Variants in THADA observed in about 807,000 individuals in gnomAD.
THADA encodes THADA armadillo repeat containing, also known as tRNA (32-2'-O)-methyltransferase regulator THADA.
A neutral mutation model predicts 219.8 loss-of-function variants in THADA; 213 were observed. The observed-to-expected ratio is 0.97, with a 90% CI of 0.87 to 1.09. THADA has a LOEUF of 1.09. Ranked by LOEUF, THADA falls within the 50% of genes least tolerant of loss-of-function variation. The pLI is 0.00. For synonymous variants in THADA, 1,018 were observed against 828.9 expected (o/e 1.23, Z -3.92); for missense variants, 2,956 against 2,311.3 (o/e 1.28, Z -5.72).
chr2:43,518,283 A>G (rs1691983147), intron 22 of THADA, among the ~76,000 whole-genome samples: 1 of 152,210 alleles, frequency 6.6e-6, no homozygotes, highest in African/African-American at 2.4e-5. Context: ...AAGAGGGTAT[A>G]ATAACTAGAA....
intron 26 of THADA, among the ~76,000 whole-genome samples, chr2:43,482,687 T>C (rs1188204648): frequency 2.0e-5 from 3 of 152,202 alleles, no homozygotes; most frequent in East Asian, 1.9e-4. Flanking sequence ...CCAGATACTA[T>C]GCTAGACTCT....
rs546601509 is a variant in THADA, at chr2:43,336,503, C to T, written c.4343+7619G>A. Among the ~76,000 whole-genome samples the T allele has an allele frequency of 2.2e-4, 34 of 152,020 alleles. 1 individual carries two copies. Among genetic ancestry groups the T allele is most frequent in the South Asian group, 4.2e-4 (2 of 4,808 alleles). ...GCCAGGCTGGTCTTGAACTCCTGACCTCCGGTGACCCACCTGCCTCAGCCT... is the reference window on the plus strand; with the variant it reads ...GCCAGGCTGGTCTTGAACTCCTGACTTCCGGTGACCCACCTGCCTCAGCCT... On this transcript the variant is annotated intron_variant, in intron 30 of 37. Coordinates refer to ENST00000405975, the MANE Select transcript of THADA (RefSeq NM_022065.5).
intron 26 of THADA, among the ~76,000 whole-genome samples, chr2:43,467,716 T>C (rs1401905140): frequency 6.6e-6 from 1 of 152,180 alleles, no homozygotes; most frequent in African/African-American, 2.4e-5. Flanking sequence ...AGAAAAATAA[T>C]TGACTATTAA....
At chr2:43,359,903 C>T (rs1462986868) in intron 29 of THADA, among the ~76,000 whole-genome samples, 1 of 151,670 alleles carries the variant, frequency 6.6e-6, no homozygotes, top group Non-Finnish European at 1.5e-5. Context: ...GGACTACAGG[C>T]ATGTGCTACT....
chr2:43,580,486 ACTTTC>A (rs1271532653), intron 8 of THADA, among the ~76,000 whole-genome samples: 1 of 150,196 alleles, frequency 6.7e-6, no homozygotes, highest in South Asian at 2.1e-4. Context: ...AACTTTAACT[ACTTTC>A]CTTTCCTTTT....
chr2:43,279,634 T>G, intron 36 of THADA, 131 bp downstream of exon 36: 1 of 1,214,312 alleles, frequency 8.2e-7, no homozygotes, highest in Non-Finnish European at 1.1e-6. Flanking sequence ...GCTTTCCCAC[T>G]AAGATGGCAG....
chr2:43,450,114 T>A (rs6746610), intron 26 of THADA, among the ~76,000 whole-genome samples: 16,805 of 152,128 alleles, frequency 0.11, 1,054 homozygotes, highest in African/African-American at 0.16. Context: ...GGGAAATACA[T>A]GGGGAGTTAC....
chr2:43,436,635 C>A (rs1680154705), intron 26 of THADA, among the ~76,000 whole-genome samples: 1 of 152,130 alleles, frequency 6.6e-6, no homozygotes, highest in African/African-American at 2.4e-5. Flanking sequence ...TTGGTGTGGG[C>A]AGAACTGGAT....
chr2:43,327,906 G>A (rs1679521895), intron 30 of THADA, among the ~76,000 whole-genome samples: 1 of 152,106 alleles, frequency 6.6e-6, no homozygotes, highest in Non-Finnish European at 1.5e-5. Context: ...TTCTCCCAGA[G>A]ATCCCACTGG....
chr2:43,515,085 AAT>A (rs1457432552), intron 22 of THADA, among the ~76,000 whole-genome samples: 13 of 9,344 alleles, frequency 1.4e-3, no homozygotes, highest in South Asian at 5.1e-3. Flanking sequence ...AATATATATA[AAT>A]ATATATATTA....
At position 43,289,901 on chromosome 2, in the gene THADA, G is replaced by A. The variant is rs562321605; in HGVS notation, c.5010+1795C>T. Among the ~76,000 whole-genome samples, 33 of 151,420 alleles carry A rather than the reference G, an allele frequency of 2.2e-4. No homozygotes were observed. In the East Asian group the frequency reaches 2.7e-3, roughly 12 times the overall value. On this transcript the variant is annotated intron_variant, in intron 34 of 37. Coordinates refer to ENST00000405975, the MANE Select transcript of THADA (RefSeq NM_022065.5). Reference sequence around the variant, plus strand: ...CTCCTGACCTCAAGGTGATCCGCCCGCCTCAGCCTCCCAAAGTGCTAGGAT... The same window carrying A: ...CTCCTGACCTCAAGGTGATCCGCCCACCTCAGCCTCCCAAAGTGCTAGGAT...
In THADA at chr2:43,570,547, C is replaced by T. The variant is rs576553467; in HGVS notation, c.2065-37G>A. ...AAGGAAATGAAGCACAGGTGAGCCA[C>T]ACATTAAATTTAAATGTCAGCCTGA... On this transcript the variant is annotated intron_variant, in intron 13 of 37. Coordinates refer to ENST00000405975, the MANE Select transcript of THADA (RefSeq NM_022065.5). The T allele has an allele frequency of 2.0e-5, 31 of 1,579,850 alleles. No individual in the cohort carries two copies. In the South Asian group the frequency reaches 3.5e-4, roughly 18 times the overall value.
chr2:43,303,652 T>C (rs564362712), intron 31 of THADA, among the ~76,000 whole-genome samples: 3 of 149,542 alleles, frequency 2.0e-5, no homozygotes, highest in Non-Finnish European at 4.4e-5. Context: ...AAAATGGTAA[T>C]ATCATTACCA....
intron 29 of THADA, among the ~76,000 whole-genome samples, chr2:43,364,487 G>C (rs1412677979): frequency 6.6e-6 from 1 of 152,142 alleles, no homozygotes; most frequent in Admixed American, 6.5e-5. Flanking sequence ...TATGCTGACA[G>C]CACACCACCA....
At chr2:43,400,470 T>TATATATATATATATATATATATAA (rs1273903312) in intron 28 of THADA, among the ~76,000 whole-genome samples, 7 of 143,440 alleles carry the variant, frequency 4.9e-5, no homozygotes, top group African/African-American at 1.5e-4. Context: ...TATATATATA[T>TATATATATATATATATATATATAA]ATATATAAAT....
rs377737093 is a variant in THADA at position 43,520,702 on chromosome 2, G to GTATATATATATA, written c.3374+7165_3374+7176dup. ...AAGACCCTATCTCAAATATTTATAC[G>GTATATATATATA]TATATATATATACACACACACACAC... On this transcript the variant is annotated intron_variant, in intron 22 of 37. Coordinates refer to ENST00000405975, the MANE Select transcript of THADA (RefSeq NM_022065.5). Among the ~76,000 whole-genome samples the GTATATATATATA allele has an allele frequency of 6.5e-3, 891 of 136,368 alleles. 1 individual carries two copies. Among genetic ancestry groups the GTATATATATATA allele is most frequent in the South Asian group, 0.022 (88 of 3,924 alleles). The allele number at this position is 136,368 out of a possible 152,430, so 89.5% of individuals were successfully genotyped here.
At chr2:43,402,862 G>A (rs544928475) in intron 28 of THADA, among the ~76,000 whole-genome samples, 1 of 152,326 alleles carries the variant, frequency 6.6e-6, no homozygotes, top group East Asian at 1.9e-4. Flanking sequence ...AGTGGGGAGA[G>A]GCGGCGGAGA....
chr2:43,497,393 G>A lies in THADA; in HGVS notation c.3744+1440C>T, dbSNP rs138401472. On this transcript the variant is annotated intron_variant, in intron 25 of 37. Coordinates refer to ENST00000405975, the MANE Select transcript of THADA (RefSeq NM_022065.5). ...GAGATCATGTCCTTTGCAGGGACAT[G>A]GATGAGGCTAGAAGCCATCATCCTC... Among the ~76,000 whole-genome samples, 684 of 152,256 alleles carry A rather than the reference G, an allele frequency of 4.5e-3. 8 individuals carry two copies. The highest frequency in any genetic ancestry group is 0.016 in the African/African-American group (658 of 41,550).
At chr2:43,513,680 G>A (rs925129152) in intron 22 of THADA, among the ~76,000 whole-genome samples, 5 of 152,106 alleles carry the variant, frequency 3.3e-5, no homozygotes, top group Non-Finnish European at 7.4e-5. Flanking sequence ...AGAGAGGAAA[G>A]AGCCTAGAAA....
Sources: allele counts gnomAD v4.1 joint callset (sites outside exome capture counted in the v4.1 genomes callset), GRCh38; gene constraint gnomAD v4.1.1; transcripts MANE v1.5; gene names NCBI Gene and HGNC (gene_info 2026-07-23, HGNC 2026-07-21).